The following PLEKHH2 variants were observed in gnomAD, a reference collection of about 807,000 sequenced individuals.
PLEKHH2 encodes the protein pleckstrin homology domain-containing family H member 2.
PLEKHH2 carries 129 observed loss-of-function variants against 187.9 expected under a neutral mutation model. The ratio of observed to expected loss-of-function variants is 0.69; its 90% confidence interval spans 0.59 to 0.79. The LOEUF is 0.79. Ranked by LOEUF, PLEKHH2 falls within the 30% of genes least tolerant of loss-of-function variation. The pLI, the probability that PLEKHH2 is intolerant of heterozygous loss-of-function variation, is 0.00. For synonymous variants in PLEKHH2, 686 were observed against 605.6 expected (o/e 1.13, Z -1.95); for missense variants, 2,076 against 1,751.2 (o/e 1.19, Z -3.31).
intron 2 of PLEKHH2, among the ~76,000 whole-genome samples, chr2:43,672,569 CTAGT>C (rs1667543832): frequency 6.6e-6 from 1 of 152,168 alleles, no homozygotes; most frequent in Non-Finnish European, 1.5e-5. Context: ...CAGTTGTTGC[CTAGT>C]TAGATGCCAC....
chr2:43,690,359 T>G (rs1022619583), intron 3 of PLEKHH2, among the ~76,000 whole-genome samples: 2 of 152,058 alleles, frequency 1.3e-5, no homozygotes, highest in African/African-American at 4.8e-5. Context: ...TTTTTTTTTG[T>G]GCTTTTATTT....
chr2:43,659,163 C>CTTTTTTTTTTTTTTTT (rs888802992), intron 2 of PLEKHH2, among the ~76,000 whole-genome samples: 9 of 147,960 alleles, frequency 6.1e-5, no homozygotes, highest in African/African-American at 2.3e-4. Context: ...ATATTTTTTT[C>CTTTTTTTTTTTTTTTT]TTTTTTTTGG....
intron 3 of PLEKHH2, among the ~76,000 whole-genome samples, chr2:43,687,485 A>G (rs1444870451): frequency 1.3e-5 from 2 of 152,170 alleles, no homozygotes; most frequent in East Asian, 1.9e-4. Flanking sequence ...TGGTAGAACG[A>G]TTTATTTTCC....
intron 3 of PLEKHH2, among the ~76,000 whole-genome samples, chr2:43,686,120 C>CTTCTTCTTCCTTCTCCTTCTTT (rs1668490299): frequency 1.3e-5 from 2 of 151,586 alleles, no homozygotes; most frequent in African/African-American, 4.9e-5. Flanking sequence ...TCTTCTTCCT[C>CTTCTTCTTCCTTCTCCTTCTTT]TTCTTCTTCC....
At chr2:43,762,237 A>T in intron 27 of PLEKHH2, 67 bp from the exon 28 acceptor site, 1 of 1,212,524 alleles carries the variant, frequency 8.2e-7, no homozygotes, top group Non-Finnish European at 1.2e-6. Context: ...CATGACATTT[A>T]GACTGAAAAA....
intron 11 of PLEKHH2, among the ~76,000 whole-genome samples, chr2:43,709,397 T>C (rs1669829312): frequency 6.6e-6 from 1 of 152,218 alleles, no homozygotes; most frequent in African/African-American, 2.4e-5. Context: ...TGCCTATATG[T>C]CAATGTGTAA....
intron 25 of PLEKHH2, among the ~76,000 whole-genome samples, chr2:43,754,869 C>CTTTTTTT (rs3066318): frequency 1.8e-5 from 2 of 108,782 alleles, no homozygotes; most frequent in African/African-American, 7.6e-5. Context: ...TTAAAATCAA[C>CTTTTTTT]TTTTTTTTTT....
At chr2:43,670,558 T>C (rs1667447362) in intron 2 of PLEKHH2, among the ~76,000 whole-genome samples, 1 of 152,222 alleles carries the variant, frequency 6.6e-6, no homozygotes, top group African/African-American at 2.4e-5. Context: ...TTTATATAAA[T>C]ATCATTCTCT....
chr2:43,714,271 T>C (rs1670107570), intron 15 of PLEKHH2, among the ~76,000 whole-genome samples: 1 of 152,250 alleles, frequency 6.6e-6, no homozygotes, highest in Non-Finnish European at 1.5e-5. Flanking sequence ...TCCTATAACA[T>C]TTCTGCGATT....
chr2:43,685,008 C>G (rs1016636641), intron 3 of PLEKHH2, among the ~76,000 whole-genome samples: 20 of 152,194 alleles, frequency 1.3e-4, no homozygotes, highest in African/African-American at 4.6e-4. Flanking sequence ...ATACAGACAG[C>G]AGATGAATTC....
chr2:43,753,333 C>T (rs1416932759), intron 24 of PLEKHH2, among the ~76,000 whole-genome samples: 2 of 152,154 alleles, frequency 1.3e-5, no homozygotes, highest in Non-Finnish European at 2.9e-5. Context: ...ATTTTATCAA[C>T]TATGACAATC....
rs368762473 is a variant in PLEKHH2, at chr2:43,744,124, G to GA, written c.3555+145dup. On this transcript the variant is annotated intron_variant, in intron 23 of 29. Transcript: ENST00000282406. ...TTAACCAATCTAATCTCCACGATAA[G>GA]AAAAAAAAAATGCAGGACTTTGTTA... The GA allele has an allele frequency of 5.9e-3, 7,146 of 1,216,424 alleles. 2 individuals are homozygous for GA. Among genetic ancestry groups the GA allele is most frequent in the South Asian group, 0.014 (624 of 45,284 alleles). The allele number at this position is 1,216,424 out of a possible 1,614,324, so 75.4% of individuals were successfully genotyped here.
At chr2:43,660,160 C>T (rs890456142) in intron 2 of PLEKHH2, among the ~76,000 whole-genome samples, 3 of 152,030 alleles carry the variant, frequency 2.0e-5, no homozygotes, top group African/African-American at 4.8e-5. Context: ...TAGTGAATGG[C>T]CTCTATCGTT....
intron 25 of PLEKHH2, among the ~76,000 whole-genome samples, chr2:43,755,510 G>A (rs1262708160): frequency 6.6e-6 from 1 of 152,154 alleles, no homozygotes; most frequent in Non-Finnish European, 1.5e-5. Context: ...TCACACAAAT[G>A]CTAGAGGGAT....
At chr2:43,646,212 C>G (rs568409830) in intron 2 of PLEKHH2, among the ~76,000 whole-genome samples, 1 of 152,130 alleles carries the variant, frequency 6.6e-6, no homozygotes, top group East Asian at 1.9e-4. Context: ...TTGAGTATCT[C>G]CAAGTTGGAG....
intron 2 of PLEKHH2, among the ~76,000 whole-genome samples, chr2:43,677,676 C>T (rs1667891557): frequency 6.6e-6 from 1 of 151,992 alleles, no homozygotes; most frequent in African/African-American, 2.4e-5. Flanking sequence ...CACAAAACCG[C>T]CATTGTCATC....
intron 2 of PLEKHH2, among the ~76,000 whole-genome samples, chr2:43,645,824 A>G (rs538176994): frequency 6.6e-6 from 1 of 152,160 alleles, no homozygotes; most frequent in African/African-American, 2.4e-5. Flanking sequence ...ATTAGTGGTT[A>G]TTCAGAACTG....
At chr2:43,638,747 A>G (rs988284719) in intron 1 of PLEKHH2, among the ~76,000 whole-genome samples, 43 of 152,332 alleles carry the variant, frequency 2.8e-4, no homozygotes, top group African/African-American at 7.7e-4. Flanking sequence ...GATGGCGGAT[A>G]TTGTTTAAAA....
At chr2:43,711,687 C>A (rs562949918) in intron 14 of PLEKHH2, 1 of 569,142 alleles carries the variant, frequency 1.8e-6, no homozygotes, top group Non-Finnish European at 2.2e-6. Context: ...GTCAGGAGAT[C>A]GAGACCATCC....
Sources: allele counts gnomAD v4.1 joint callset (sites outside exome capture counted in the v4.1 genomes callset), GRCh38; gene constraint gnomAD v4.1.1; transcripts MANE v1.5; gene names NCBI Gene and HGNC (gene_info 2026-07-23, HGNC 2026-07-21).